Variants in TENM3 observed in about 807,000 individuals in gnomAD.
TENM3 encodes the protein teneurin-3.
In TENM3, 63 loss-of-function variants were observed where a neutral mutation model predicts 255.1. That is an observed-to-expected ratio of 0.25 (90% confidence interval 0.20 to 0.30). TENM3 has a LOEUF of 0.30. Ranked by LOEUF, TENM3 falls within the 10% of genes least tolerant of loss-of-function variation. TENM3 has a pLI of 1.00. For synonymous variants in TENM3, 1,306 were observed against 1,322.3 expected, an observed-to-expected ratio of 0.99 and a Z score of 0.27; for missense variants, 2,929 against 3,461.1, an observed-to-expected ratio of 0.85 and a Z score of 3.86.
At chr4:181,836,967 G>T in the TENM3 span, among the ~76,000 whole-genome samples, 1 of 136,806 alleles carries the variant, frequency 7.3e-6, no homozygotes, top group African/African-American at 2.5e-5. Context: ...TAACAGTCTT[G>T]CTCACATTTT....
chr4:181,497,047 T>C, the TENM3 span, among the ~76,000 whole-genome samples: 1 of 152,326 alleles, frequency 6.6e-6, no homozygotes, highest in Admixed American at 6.5e-5. Flanking sequence ...ACATATTTTT[T>C]CCATGAATGA....
chr4:182,151,175 G>A (rs1399304199), intron 1 of TENM3, among the ~76,000 whole-genome samples: 1 of 152,036 alleles, frequency 6.6e-6, no homozygotes, highest in Admixed American at 6.6e-5. Context: ...GAGAGTTTAT[G>A]TTCTTGGACT....
intron 5 of TENM3, among the ~76,000 whole-genome samples, chr4:182,650,924 A>ATATATATATATAT: frequency 9.5e-5 from 1 of 10,516 alleles, no homozygotes; most frequent in South Asian, 3.3e-3. Context: ...ATATATATAT[A>ATATATATATATAT]AAACAAAGCT....
intron 1 of TENM3, among the ~76,000 whole-genome samples, chr4:182,185,159 G>C (rs993450943): frequency 6.6e-6 from 1 of 152,080 alleles, no homozygotes; most frequent in Non-Finnish European, 1.5e-5. Flanking sequence ...AATGTGGCTT[G>C]GGGTGTCTTC....
At chr4:181,609,140 A>G in the TENM3 span, among the ~76,000 whole-genome samples, 132 of 152,334 alleles carry the variant, frequency 8.7e-4, no homozygotes, top group Middle Eastern at 3.4e-3. Context: ...GGCAGGGGCC[A>G]GGAATGTGGG....
chr4:182,732,844 A>G (rs1760880991), intron 16 of TENM3, among the ~76,000 whole-genome samples: 1 of 152,194 alleles, frequency 6.6e-6, no homozygotes, highest in South Asian at 2.1e-4. Flanking sequence ...ATATATAATC[A>G]TAATAGACTG....
the TENM3 span, among the ~76,000 whole-genome samples, chr4:182,127,070 A>T: frequency 6.6e-6 from 1 of 152,248 alleles, no homozygotes; most frequent in African/African-American, 2.4e-5. Flanking sequence ...AGGACATCAT[A>T]TACTGCAATT....
the TENM3 span, among the ~76,000 whole-genome samples, chr4:181,729,586 T>C: frequency 6.6e-6 from 1 of 152,220 alleles, no homozygotes; most frequent in African/African-American, 2.4e-5. Flanking sequence ...AAAGGCTCAG[T>C]TAAATTACAA....
chr4:182,797,623 C>T (rs1377301882), intron 27 of TENM3, among the ~76,000 whole-genome samples: 4 of 152,046 alleles, frequency 2.6e-5, no homozygotes, highest in Non-Finnish European at 4.4e-5. Context: ...ATTGCAAAGT[C>T]AAAGCTGCCG....
the TENM3 span, among the ~76,000 whole-genome samples, chr4:182,076,892 A>G: frequency 1.2e-3 from 185 of 152,306 alleles, 2 homozygotes; most frequent in East Asian, 0.017. Context: ...TCTGGCCTGG[A>G]AAGCACAGTT....
the TENM3 span, among the ~76,000 whole-genome samples, chr4:181,754,858 A>T: frequency 6.6e-6 from 1 of 152,186 alleles, no homozygotes; most frequent in Non-Finnish European, 1.5e-5. Context: ...TTAATATAAC[A>T]TGCAACCCCC....
At chr4:181,603,842 A>G in the TENM3 span, among the ~76,000 whole-genome samples, 2 of 152,246 alleles carry the variant, frequency 1.3e-5, no homozygotes, top group African/African-American at 4.8e-5. Flanking sequence ...GAAAGAGGCT[A>G]GAAATAAAGA....
At chr4:181,868,481 C>G in the TENM3 span, among the ~76,000 whole-genome samples, 4 of 152,302 alleles carry the variant, frequency 2.6e-5, no homozygotes, top group Admixed American at 1.3e-4. Flanking sequence ...CATTATCTCA[C>G]CTTTACTCTC....
chr4:182,079,254 T>C, the TENM3 span, among the ~76,000 whole-genome samples: 23,620 of 152,108 alleles, frequency 0.16, 1,843 homozygotes, highest in Middle Eastern at 0.3. Flanking sequence ...TGGTGGCTCA[T>C]GCCTGTAATC....
the TENM3 span, among the ~76,000 whole-genome samples, chr4:181,464,723 G>A: frequency 1.2e-4 from 18 of 152,120 alleles, no homozygotes; most frequent in Admixed American, 1.0e-3. Flanking sequence ...GGCCAAGGCT[G>A]TTGGATCACC....
the TENM3 span, among the ~76,000 whole-genome samples, chr4:181,891,374 C>G: frequency 6.6e-6 from 1 of 152,178 alleles, no homozygotes; most frequent in African/African-American, 2.4e-5. Context: ...ATATTTACAA[C>G]CCCTGTATAC....
In TENM3 at chr4:182,752,040, C is replaced by G; in HGVS notation, c.3862+8C>G. ...CACTCATGAGTCCCAAAGGTACCGG[C>G]AGTTGGCGATTTGAGGATTTCTTTT... On this transcript the variant is annotated splice_region_variant and intron_variant, in intron 20 of 27. Transcript: ENST00000511685. The G allele has an allele frequency of 3.5e-6, 5 of 1,444,562 alleles. No individual in the cohort carries two copies. In the South Asian group the frequency reaches 4.4e-5, roughly 13 times the overall value. The allele number at this position is 1,444,562 out of a possible 1,614,324, so 89.5% of individuals were successfully genotyped here.
the TENM3 span, among the ~76,000 whole-genome samples, chr4:182,018,149 G>A: frequency 6.6e-6 from 1 of 152,132 alleles, no homozygotes; most frequent in Admixed American, 6.5e-5. Flanking sequence ...TATCCTAGAA[G>A]GGGATGATTC....
chr4:182,651,801 T>C (rs963187658), intron 5 of TENM3, among the ~76,000 whole-genome samples: 1 of 146,622 alleles, frequency 6.8e-6, no homozygotes, highest in African/African-American at 2.5e-5. Flanking sequence ...AGGGTAGATG[T>C]CGCTATCTAC....
Sources: gnomAD v4.1 joint callset for allele counts (sites outside exome capture counted in the v4.1 genomes callset) on GRCh38, gnomAD v4.1.1 for gene constraint, MANE v1.5 for transcripts, NCBI Gene and HGNC (gene_info 2026-07-23, HGNC 2026-07-21) for gene names.